Variants in CCDC171 observed in about 807,000 individuals in gnomAD.
The protein encoded by CCDC171 is coiled-coil domain containing 171, also known as coiled-coil domain-containing protein 171.
Under a neutral mutation model 168.2 loss-of-function variants are expected in CCDC171, and 177 were observed. The ratio of observed to expected loss-of-function variants is 1.05; its 90% CI spans 0.93 to 1.19. The LOEUF is 1.19. Among genes scored for constraint, CCDC171 ranks in the 50% most tolerant of loss-of-function variants. The pLI, the probability that CCDC171 is intolerant of heterozygous loss-of-function variation, is 0.00. For missense variants in CCDC171, 1,991 were observed against 1,539.0 expected, an observed-to-expected ratio of 1.29 and a Z score of -4.91; for synonymous variants, 687 against 540.8, an observed-to-expected ratio of 1.27 and a Z score of -3.75.
chr9:15,911,856 G>A lies in CCDC171; in HGVS notation c.3601-8414G>A, dbSNP rs563401798. Among the ~76,000 whole-genome samples, 6 of 152,286 alleles carry A rather than the reference G, an allele frequency of 3.9e-5. No individual in the cohort carries two copies. In the South Asian group the frequency reaches 1.2e-3, roughly 32 times the overall value. On this transcript the variant is annotated intron_variant, in intron 24 of 25. Coordinates refer to ENST00000380701, the MANE Select transcript of CCDC171 (RefSeq NM_173550.4). Reference sequence around the variant, plus strand: ...CAGGTTTGTCAAAGATCAGATGGTTGTAGATGTGTGGTGTTATTTCTGAGG... The same window carrying A: ...CAGGTTTGTCAAAGATCAGATGGTTATAGATGTGTGGTGTTATTTCTGAGG...
chr9:15,783,383 T>C (rs2135469815), intron 20 of CCDC171, among the ~76,000 whole-genome samples: 1 of 152,322 alleles, frequency 6.6e-6, no homozygotes, highest in Non-Finnish European at 1.5e-5. Flanking sequence ...AAAGGATTTT[T>C]TTCACTGCTT....
intron 11 of CCDC171, among the ~76,000 whole-genome samples, chr9:15,710,379 T>C (rs1247219197): frequency 2.0e-5 from 3 of 151,938 alleles, no homozygotes; most frequent in Non-Finnish European, 2.9e-5. Context: ...CTCAGCTCAC[T>C]GCAAGCTCCA....
chr9:15,989,306 C>G (rs903966967), intron 3 of CCDC171, among the ~76,000 whole-genome samples: 1 of 152,192 alleles, frequency 6.6e-6, no homozygotes, highest in Non-Finnish European at 1.5e-5. Context: ...TGCTGATACC[C>G]AGGCAAACAG....
rs1229412699 is a variant in CCDC171, at chr9:15,695,077, C to CA, written c.1216-156dup. On this transcript the variant is annotated intron_variant, in intron 10 of 25. Transcript: ENST00000380701. ...GACCTTGTACAGTGTTACATTAAGCCAAGTAAAAGGTATGATTAAGAGAGA... is the reference window on the plus strand; with the variant it reads ...GACCTTGTACAGTGTTACATTAAGCCAAAGTAAAAGGTATGATTAAGAGAGA... Among the ~76,000 whole-genome samples, 7 of 152,154 alleles carry CA rather than the reference C, an allele frequency of 4.6e-5. No homozygotes were observed. The East Asian group carries it at 1.4e-3, about 29-fold the overall frequency.
chr9:15,677,923 TATAA>T (rs1271777849), intron 9 of CCDC171, among the ~76,000 whole-genome samples: 1,019 of 37,600 alleles, frequency 0.027, 116 homozygotes, highest in Middle Eastern at 0.061. Context: ...TATATATATA[TATAA>T]GAGATGTGGT....
At chr9:15,896,651 T>C (rs1220456978) in intron 24 of CCDC171, among the ~76,000 whole-genome samples, 1 of 152,120 alleles carries the variant, frequency 6.6e-6, no homozygotes, top group African/African-American at 2.4e-5. Context: ...TCTACTGACC[T>C]GATACATTTG....
intron 7 of CCDC171, among the ~76,000 whole-genome samples, chr9:15,644,826 G>A (rs990840083): frequency 1.3e-5 from 2 of 152,222 alleles, no homozygotes; most frequent in Non-Finnish European, 2.9e-5. Context: ...GCAGGGCATA[G>A]CCAAACAAAA....
chr9:15,634,741 A>C (rs769502933), intron 7 of CCDC171, among the ~76,000 whole-genome samples: 1 of 152,184 alleles, frequency 6.6e-6, no homozygotes, highest in South Asian at 2.1e-4. Flanking sequence ...CCATTACTAT[A>C]ATCCATTTTG....
chr9:15,692,021 A>T (rs1435580202), intron 10 of CCDC171, among the ~76,000 whole-genome samples: 1 of 152,124 alleles, frequency 6.6e-6, no homozygotes, highest in Non-Finnish European at 1.5e-5. Context: ...AGAAGTCTCT[A>T]TCTGGACTTC....
chr9:15,684,638 GAGA>G (rs2050258800), intron 10 of CCDC171, among the ~76,000 whole-genome samples: 2 of 152,242 alleles, frequency 1.3e-5, no homozygotes, highest in East Asian at 1.9e-4. Flanking sequence ...TCATAAAAAA[GAGA>G]AGATGATTAT....
downstream of CCDC171, among the ~76,000 whole-genome samples, chr9:15,976,604 G>A (rs943714869): frequency 4.0e-5 from 6 of 151,662 alleles, no homozygotes; most frequent in Non-Finnish European, 7.4e-5. Context: ...ATTGAATCTT[G>A]AATGAATTTA....
chr9:16,036,427 G>A (rs994005915), intron 8 of CCDC171, among the ~76,000 whole-genome samples: 9 of 152,180 alleles, frequency 5.9e-5, no homozygotes, highest in African/African-American at 1.9e-4. Flanking sequence ...GGCGGATCTC[G>A]AGGTCAGGAG....
At chr9:15,761,335 C>T (rs911422421) in intron 18 of CCDC171, among the ~76,000 whole-genome samples, 3 of 152,072 alleles carry the variant, frequency 2.0e-5, no homozygotes, top group Admixed American at 1.3e-4. Flanking sequence ...AGGTTTCATA[C>T]TAAGGAAGTT....
intron 24 of CCDC171, among the ~76,000 whole-genome samples, chr9:15,913,690 C>A (rs188265121): frequency 2.6e-5 from 4 of 152,068 alleles, no homozygotes; most frequent in African/African-American, 9.7e-5. Context: ...TCCTTGCTGG[C>A]GAGGAGTTGT....
chr9:15,957,552 A>T (rs1829922754), intron 25 of CCDC171, among the ~76,000 whole-genome samples: 1 of 152,200 alleles, frequency 6.6e-6, no homozygotes, highest in African/African-American at 2.4e-5. Context: ...GCTAATGTTG[A>T]GCAAAGTGAA....
chr9:15,759,545 G>GC (rs996031698), intron 18 of CCDC171, among the ~76,000 whole-genome samples: 8 of 152,106 alleles, frequency 5.3e-5, no homozygotes, highest in Non-Finnish European at 5.9e-5. Flanking sequence ...ATTTAGTCAT[G>GC]TTTTTTTAGT....
intron 6 of CCDC171, among the ~76,000 whole-genome samples, chr9:15,601,365 A>G (rs75835157): frequency 0.069 from 10,429 of 152,242 alleles, 465 homozygotes; most frequent in Middle Eastern, 0.1. Context: ...TGAAAATACC[A>G]ATGAAACCAC....
intron 6 of CCDC171, among the ~76,000 whole-genome samples, chr9:15,613,144 T>C (rs1396883019): frequency 1.3e-5 from 2 of 152,228 alleles, no homozygotes; most frequent in Non-Finnish European, 2.9e-5. Context: ...GACTGTTTTC[T>C]AATGCTGCTG....
At chr9:16,052,341 C>A (rs117371916) in intron 1 of CCDC171, among the ~76,000 whole-genome samples, 15 of 152,278 alleles carry the variant, frequency 9.9e-5, no homozygotes, top group Non-Finnish European at 1.8e-4. Context: ...GCAGTCTGGC[C>A]TTCCTGTCTG....
Sources: allele counts gnomAD v4.1 joint callset (sites outside exome capture counted in the v4.1 genomes callset), GRCh38; gene constraint gnomAD v4.1.1; transcripts MANE v1.5; gene names NCBI Gene and HGNC (gene_info 2026-07-23, HGNC 2026-07-21).